Variants in LYPD6 observed in about 807,000 individuals in gnomAD.
LYPD6 encodes ly6/PLAUR domain-containing protein 6.
In LYPD6, 15 loss-of-function variants were observed where a neutral mutation model predicts 22.7. The ratio of observed to expected loss-of-function variants is 0.66; its 90% CI spans 0.44 to 1.02. LYPD6 has a LOEUF of 1.02. LYPD6 is among the 50% of genes least tolerant of loss of function. LYPD6 has a pLI of 0.00. For missense variants in LYPD6, 189 were observed against 208.4 expected, an observed-to-expected ratio of 0.91 and a Z score of 0.57; for synonymous variants, 72 against 77.5, an observed-to-expected ratio of 0.93 and a Z score of 0.37.
chr2:149,485,433 T>C, the LYPD6 span, among the ~76,000 whole-genome samples: 6 of 152,214 alleles, frequency 3.9e-5, no homozygotes, highest in African/African-American at 1.2e-4. Context: ...TTCAGGCGTT[T>C]GGAGGACAGT....
At chr2:149,468,866 C>G (rs1681269183) in intron 4 of LYPD6, 91 bp downstream of exon 4, 1 of 1,330,500 alleles carries the variant, frequency 7.5e-7, no homozygotes, top group Non-Finnish European at 1.0e-6. Flanking sequence ...TTCTTACTCC[C>G]CCGTGAAGGC....
At chr2:149,440,692 C>A (rs1683543341) in intron 2 of LYPD6, among the ~76,000 whole-genome samples, 1 of 140,936 alleles carries the variant, frequency 7.1e-6, no homozygotes, top group African/African-American at 2.7e-5. Context: ...ATTCTGTCCA[C>A]CTTTTTTTTT....
chr2:149,344,825 G>C (rs553759007), intron 1 of LYPD6, among the ~76,000 whole-genome samples: 29 of 152,290 alleles, frequency 1.9e-4, no homozygotes, highest in African/African-American at 6.3e-4. Context: ...TACAAAAATA[G>C]CTCCTCTTCC....
chr2:149,380,802 A>G (rs1324997640), intron 1 of LYPD6, among the ~76,000 whole-genome samples: 1 of 152,180 alleles, frequency 6.6e-6, no homozygotes, highest in Non-Finnish European at 1.5e-5. Flanking sequence ...TGAGTGAGAA[A>G]GAAGTTATTG....
At chr2:149,433,394 C>T (rs1683359685) in intron 1 of LYPD6, among the ~76,000 whole-genome samples, 1 of 152,182 alleles carries the variant, frequency 6.6e-6, no homozygotes, top group African/African-American at 2.4e-5. Flanking sequence ...GAAGGTGATA[C>T]AAGGCAATGT....
intron 1 of LYPD6, among the ~76,000 whole-genome samples, chr2:149,422,413 G>A (rs910101028): frequency 4.6e-5 from 7 of 152,052 alleles, no homozygotes; most frequent in African/African-American, 1.7e-4. Flanking sequence ...CTAGCAAGTG[G>A]GTAATGGGGC....
intron 1 of LYPD6, among the ~76,000 whole-genome samples, chr2:149,380,791 A>G (rs1682042478): frequency 6.6e-6 from 1 of 152,180 alleles, no homozygotes; most frequent in South Asian, 2.1e-4. Context: ...ACACCAAGGT[A>G]TGAGTGAGAA....
upstream of LYPD6, chr2:149,330,554 C>T (rs1379597881): frequency 4.6e-5 from 7 of 150,552 alleles, no homozygotes; most frequent in South Asian, 1.5e-3. Context: ...GCGCGCGCCC[C>T]TAGCCGCCCC....
chr2:149,337,191 A>G (rs1559116809), intron 1 of LYPD6, among the ~76,000 whole-genome samples: 1 of 152,178 alleles, frequency 6.6e-6, no homozygotes. Flanking sequence ...CTTGGTGTCT[A>G]GCACAGAAGA....
downstream of LYPD6, among the ~76,000 whole-genome samples, chr2:149,475,145 G>A (rs1681428786): frequency 6.6e-6 from 1 of 152,176 alleles, no homozygotes; most frequent in Admixed American, 6.5e-5. Flanking sequence ...ATAAAAGTTA[G>A]AAGTGGTGCC....
intron 1 of LYPD6, among the ~76,000 whole-genome samples, chr2:149,400,839 A>G (rs1193507804): frequency 6.6e-6 from 1 of 152,132 alleles, no homozygotes; most frequent in African/African-American, 2.4e-5. Context: ...GTAAATCTAG[A>G]TGGATCCTCA....
intron 1 of LYPD6, among the ~76,000 whole-genome samples, chr2:149,376,906 C>T (rs1238948759): frequency 6.6e-6 from 1 of 152,228 alleles, no homozygotes; most frequent in East Asian, 1.9e-4. Context: ...CAATCCAAAG[C>T]TCCCATGTTC....
At chr2:149,385,626 A>G (rs187308101) in intron 1 of LYPD6, among the ~76,000 whole-genome samples, 1 of 152,190 alleles carries the variant, frequency 6.6e-6, no homozygotes, top group Non-Finnish European at 1.5e-5. Context: ...CTTTGTATAG[A>G]TACTGGAATT....
chr2:149,392,189 C>G (rs998626135), intron 1 of LYPD6, among the ~76,000 whole-genome samples: 3 of 152,170 alleles, frequency 2.0e-5, no homozygotes, highest in Non-Finnish European at 2.9e-5. Context: ...GAGTCCTACT[C>G]TCCTGAACTC....
the LYPD6 span, among the ~76,000 whole-genome samples, chr2:149,485,787 A>C: frequency 1.3e-5 from 2 of 152,308 alleles, no homozygotes; most frequent in East Asian, 3.9e-4. Flanking sequence ...GTGAGCTCAA[A>C]ATTAGCCCCA....
At chr2:149,361,665 T>C (rs1681574432) in intron 1 of LYPD6, among the ~76,000 whole-genome samples, 1 of 152,204 alleles carries the variant, frequency 6.6e-6, no homozygotes, top group South Asian at 2.1e-4. Flanking sequence ...TTTTATTCAA[T>C]AGTTTATGAA....
At chr2:149,464,106 G>T in intron 3 of LYPD6, 1 of 329,938 alleles carries the variant, frequency 3.0e-6, no homozygotes, top group Non-Finnish European at 5.9e-6. Context: ...AAAATAATAG[G>T]TTAAATTAAA....
chr2:149,378,556 C>T (rs773418190), intron 1 of LYPD6, among the ~76,000 whole-genome samples: 6 of 152,162 alleles, frequency 3.9e-5, no homozygotes, highest in Non-Finnish European at 5.9e-5. Flanking sequence ...TGTCTCTTAT[C>T]TGTAAGGTGC....
intron 1 of LYPD6, among the ~76,000 whole-genome samples, chr2:149,416,124 GAACTC>G (rs1682957072): frequency 6.6e-6 from 1 of 152,186 alleles, no homozygotes; most frequent in East Asian, 1.9e-4. Context: ...TCCTGAGAGA[GAACTC>G]AGAAGAGGAA....
Sources: allele counts gnomAD v4.1 joint callset (sites outside exome capture counted in the v4.1 genomes callset), GRCh38; gene constraint gnomAD v4.1.1; transcripts MANE v1.5; gene names NCBI Gene and HGNC (gene_info 2026-07-23, HGNC 2026-07-21).